PCBP1: variants seen among roughly 807,000 people sequenced by gnomAD.
PCBP1 encodes poly(rC)-binding protein 1.
For missense variants in PCBP1, 244 were observed against 474.4 expected (o/e 0.51, Z 4.51); for synonymous variants, 284 against 195.8 (o/e 1.45, Z -3.76).
rs1348055901 is a variant in PCBP1 at position 70,088,800 on chromosome 2, A to G, written c.1057A>G (p.Met353Val). ...TGCCAGGCTTTCCTCTGAGAAGGGC[A>G]TGGGGTGCAGCTAGAACAGTGTAGG... Reference protein sequence around the residue: ...INARLSSEKGMGCS With the variant: ...INARLSSEKGVGCS The change falls in exon 1 of 1, where the codon ATG becomes GTG. Residue 353 changes from methionine (M) to valine (V), a missense_variant. Met to Val is a conservative substitution (Grantham distance 21). Transcript: ENST00000303577. This position sits in a 1 kb window ranked among gnomAD's most constrained non-coding sequence, Gnocchi z 4.5. 7 of 1,612,460 alleles carry G rather than the reference A, an allele frequency of 4.3e-6. No individual in the cohort carries two copies. Among genetic ancestry groups the G allele is most frequent in the Non-Finnish European group, 5.9e-6 (7 of 1,179,204 alleles).
rs921671782 is a variant in PCBP1 at position 70,087,617 on chromosome 2, C to G, written c.-127C>G. 1 of 495,086 alleles carries G rather than the reference C, an allele frequency of 2.0e-6. No individual in the cohort carries two copies. Among genetic ancestry groups the G allele is most frequent in the African/African-American group, 2.0e-5 (1 of 49,718 alleles). 30.7% of individuals were successfully genotyped at this position (495,086 alleles called of 1,614,324 possible). On this transcript the variant is annotated 5_prime_UTR_variant, in exon 1 of 1. Transcript: ENST00000303577. Reference sequence around the variant, plus strand: ...CTGCGGCCTCCCGCCCGCTCCCGCTCGCTCCCGCGGCCCTCGCTCGCCTCG... The same window carrying G: ...CTGCGGCCTCCCGCCCGCTCCCGCTGGCTCCCGCGGCCCTCGCTCGCCTCG...
chr2:70,088,205 T>C lies in PCBP1; in HGVS notation c.462T>C (p.Ser154=), dbSNP rs747254972. ...RAITIAGVPQ[S]VTECVKQICL... Reference sequence around the variant, plus strand: ...TCACCATCGCTGGCGTGCCGCAGTCTGTCACCGAGTGTGTCAAGCAGATTT... The same window carrying C: ...TCACCATCGCTGGCGTGCCGCAGTCCGTCACCGAGTGTGTCAAGCAGATTT... Residue 154 remains serine (S), a synonymous_variant, in exon 1 of 1, where the codon TCT becomes TCC. Coordinates refer to ENST00000303577, the MANE Select transcript of PCBP1 (RefSeq NM_006196.4). This position sits in a 1 kb window ranked among gnomAD's most constrained non-coding sequence, Gnocchi z 4.5. 26 of 1,613,934 alleles carry C rather than the reference T, an allele frequency of 1.6e-5. No homozygotes were observed. The highest frequency in any genetic ancestry group is 2.1e-5 in the Non-Finnish European group (25 of 1,180,018).
rs1295191419 is a variant in PCBP1, at chr2:70,087,490, T to C, written c.-254T>C. 6.7e-6 allele frequency: 1 copy of C among 149,208 alleles called. No homozygotes were observed. The highest frequency in any genetic ancestry group is 2.0e-4 in the East Asian group (1 of 5,068). 9.2% of individuals were successfully genotyped at this position (149,208 alleles called of 1,614,324 possible). A position where few individuals can be genotyped will look rare whatever the true frequency, so the allele number is the denominator to read the frequency against. ...CCCGCCCCGCCCAGACCGCCGAGGCTGCCGCCGGAGTCGCCACCGCCGCGC... is the reference window on the plus strand; with the variant it reads ...CCCGCCCCGCCCAGACCGCCGAGGCCGCCGCCGGAGTCGCCACCGCCGCGC... On this transcript the variant is annotated 5_prime_UTR_variant, in exon 1 of 1. Transcript: ENST00000303577.
chr2:70,087,560 C>T lies in PCBP1; in HGVS notation c.-184C>T, dbSNP rs1024886048. On this transcript the variant is annotated 5_prime_UTR_variant, in exon 1 of 1. Transcript: ENST00000303577. The stretch of plus-strand genomic sequence containing the variant: ...CGCCGCTCCCGGCCCCGCTCGCCCC[C>T]TCCGCCGCCGCCGCCCGCCCCTGCG... 4.7e-5 allele frequency: 8 copies of T among 168,882 alleles called. No homozygotes were observed. Among genetic ancestry groups the T allele is most frequent in the Non-Finnish European group, 7.4e-5 (6 of 80,582 alleles). The allele number at this position is 168,882 out of a possible 1,614,324, so 10.5% of individuals were successfully genotyped here.
Position 70,087,687 on chromosome 2 carries a change from C to G in PCBP1, c.-57C>G. ...ACACCTCCCCTCCCCCCGCCAGCCG[C>G]CAAAGACTTGACCACGTAACGAGCC... is the stretch of plus-strand genomic sequence containing the variant. On this transcript the variant is annotated 5_prime_UTR_variant, in exon 1 of 1. Transcript: ENST00000303577. The G allele has an allele frequency of 1.6e-6, 2 of 1,242,280 alleles. No individual in the cohort carries two copies. Among genetic ancestry groups the G allele is most frequent in the Non-Finnish European group, 2.3e-6 (2 of 887,802 alleles). 77.0% of individuals were successfully genotyped at this position (1,242,280 alleles called of 1,614,324 possible).
Position 70,088,817 on chromosome 2 carries a change from C to T in PCBP1, c.*3C>T. 1.9e-6 allele frequency: 3 copies of T among 1,604,334 alleles called. No homozygotes were observed. Among genetic ancestry groups the T allele is most frequent in the East Asian group, 2.2e-5 (1 of 44,766 alleles). ...AGAAGGGCATGGGGTGCAGCTAGAACAGTGTAGGTTCCCTCAATAACCCCT... is the reference window on the plus strand; with the variant it reads ...AGAAGGGCATGGGGTGCAGCTAGAATAGTGTAGGTTCCCTCAATAACCCCT... On this transcript the variant is annotated 3_prime_UTR_variant, in exon 1 of 1. Transcript: ENST00000303577. This position sits in a 1 kb window ranked among gnomAD's most constrained non-coding sequence, Gnocchi z 4.5.
At position 70,089,165 on chromosome 2, in the gene PCBP1, T is replaced by C. The variant is rs762281126; in HGVS notation, c.*351T>C. On this transcript the variant is annotated 3_prime_UTR_variant, in exon 1 of 1. Transcript: ENST00000303577. ...ATTAAAAAACGGATTGGTTAAAAAA[T>C]GCTTCATATTTGAAAAAGCTGGGAA... 1.4e-5 allele frequency: 3 copies of C among 220,806 alleles called. No individual in the cohort carries two copies. Among genetic ancestry groups the C allele is most frequent in the Non-Finnish European group, 1.9e-5 (2 of 103,498 alleles). 13.7% of individuals were successfully genotyped at this position (220,806 alleles called of 1,614,324 possible). A position where few individuals can be genotyped will look rare whatever the true frequency, so the allele number is the denominator to read the frequency against.
Position 70,088,451 on chromosome 2 carries a change from C to A in PCBP1, c.708C>A (p.Ala236=). Residue 236 remains alanine, a synonymous_variant, in exon 1 of 1, where the codon GCC becomes GCA. Transcript: ENST00000303577. This position sits in a 1 kb window ranked among gnomAD's most constrained non-coding sequence, Gnocchi z 4.5. ...GQHTISPLDL[A]KLNQVARQQS... is the part of the protein sequence containing the mutation. Reference sequence around the variant, plus strand: ...ACACCATTTCTCCGCTCGATCTGGCCAAGCTGAACCAGGTGGCAAGACAAC... The same window carrying A: ...ACACCATTTCTCCGCTCGATCTGGCAAAGCTGAACCAGGTGGCAAGACAAC... 6.2e-7 allele frequency: 1 copy of A among 1,614,220 alleles called. No homozygotes were observed. Among genetic ancestry groups the A allele is most frequent in the Non-Finnish European group, 8.5e-7 (1 of 1,180,038 alleles).
Position 70,088,124 on chromosome 2 carries a change from G to C in PCBP1, c.381G>C (p.Thr127=). The C allele has an allele frequency of 1.9e-6, 3 of 1,613,936 alleles. No individual in the cohort carries two copies. The highest frequency in any genetic ancestry group is 2.2e-5 in the East Asian group (1 of 44,868). ...GCKIKEIRES[T]GAQVQVAGDM... Reference sequence around the variant, plus strand: ...AGATCAAAGAGATCCGCGAGAGTACGGGGGCGCAGGTCCAGGTGGCGGGGG... The same window carrying C: ...AGATCAAAGAGATCCGCGAGAGTACCGGGGCGCAGGTCCAGGTGGCGGGGG... Residue 127 remains threonine, a synonymous_variant, in exon 1 of 1, where the codon ACG becomes ACC. Coordinates refer to ENST00000303577, the MANE Select transcript of PCBP1 (RefSeq NM_006196.4). This position sits in a 1 kb window ranked among gnomAD's most constrained non-coding sequence, Gnocchi z 4.5.
chr2:70,088,242 C>T lies in PCBP1; in HGVS notation c.499C>T (p.Leu167=), dbSNP rs771617548. Residue 167 remains leucine, a synonymous_variant, in exon 1 of 1, where the codon CTG becomes TTG. Coordinates refer to ENST00000303577, the MANE Select transcript of PCBP1 (RefSeq NM_006196.4). The surrounding 1 kb of genome is among the most constrained non-coding windows in gnomAD (Gnocchi z 4.5). ...TGTCAAGCAGATTTGCCTGGTCATG[C>T]TGGAGACGCTCTCCCAGTCTCCGCA... ...ECVKQICLVM[L]ETLSQSPQGR... is the part of the protein sequence containing the mutation. 2 of 1,613,832 alleles carry T rather than the reference C, an allele frequency of 1.2e-6. No individual in the cohort carries two copies. Among genetic ancestry groups the T allele is most frequent in the Non-Finnish European group, 8.5e-7 (1 of 1,179,966 alleles).
chr2:70,087,974 C>T lies in PCBP1; in HGVS notation c.231C>T (p.Asp77=), dbSNP rs776349182. 5.0e-6 allele frequency: 8 copies of T among 1,613,918 alleles called. No homozygotes were observed. In the South Asian group the frequency reaches 7.7e-5, roughly 16 times the overall value. The change falls in exon 1 of 1, where the codon GAC becomes GAT. Residue 77 remains aspartate (D), a synonymous_variant. Coordinates refer to ENST00000303577, the MANE Select transcript of PCBP1 (RefSeq NM_006196.4). The stretch of plus-strand genomic sequence containing the variant: ...TTAAGGCTTTCGCTATGATCATCGA[C>T]AAGCTGGAGGAAGATATCAACAGCT... The part of the protein sequence containing the change: ...AIFKAFAMII[D]KLEEDINSSM...
chr2:70,087,716 C>T lies in PCBP1; in HGVS notation c.-28C>T, dbSNP rs566877203. 10 of 1,461,222 alleles carry T rather than the reference C, an allele frequency of 6.8e-6. No individual in the cohort carries two copies. The African/African-American group carries it at 1.1e-4, about 16-fold the overall frequency. The allele number at this position is 1,461,222 out of a possible 1,614,324, so 90.5% of individuals were successfully genotyped here. ...AGACTTGACCACGTAACGAGCCCAA[C>T]TCCCCCGAACGCCGCCCGCCGCTCG... On this transcript the variant is annotated 5_prime_UTR_variant, in exon 1 of 1. Coordinates refer to ENST00000303577, the MANE Select transcript of PCBP1 (RefSeq NM_006196.4).
Position 70,088,148 on chromosome 2 carries a change from G to A in PCBP1, c.405G>A (p.Gly135=), listed in dbSNP as rs1191807725. Residue 135 remains glycine (G), a synonymous_variant, in exon 1 of 1, where the codon GGG becomes GGA. Transcript: ENST00000303577. This position sits in a 1 kb window ranked among gnomAD's most constrained non-coding sequence, Gnocchi z 4.5. ...ESTGAQVQVA[G]DMLPNSTERA... is the part of the protein sequence containing the mutation. ...CGGGGGCGCAGGTCCAGGTGGCGGG[G>A]GATATGCTGCCCAACTCCACCGAGC... is the stretch of plus-strand genomic sequence containing the variant. 5 of 1,613,896 alleles carry A rather than the reference G, an allele frequency of 3.1e-6. No homozygotes were observed. Among genetic ancestry groups the A allele is most frequent in the East Asian group, 4.5e-5 (2 of 44,858 alleles).
chr2:70,087,678 C>CA lies in PCBP1; in HGVS notation c.-66_-65insA. 1 of 1,148,244 alleles carries CA rather than the reference C, an allele frequency of 8.7e-7. No individual in the cohort carries two copies. The highest frequency in any genetic ancestry group is 1.2e-6 in the Non-Finnish European group (1 of 805,570). The allele number at this position is 1,148,244 out of a possible 1,614,324, so 71.1% of individuals were successfully genotyped here. On this transcript the variant is annotated 5_prime_UTR_variant, in exon 1 of 1. Transcript: ENST00000303577. ...TTTGGGCCTACACCTCCCCTCCCCC[C>CA]GCCAGCCGCCAAAGACTTGACCACG...
rs1256835290 is a variant in PCBP1, at chr2:70,087,606, C to CCGCTCCCGCT, written c.-128_-119dup. The CCGCTCCCGCT allele has an allele frequency of 3.8e-4, 164 of 431,708 alleles. No individual in the cohort carries two copies. The highest frequency in any genetic ancestry group is 1.5e-3 in the Admixed American group (35 of 22,974). 26.7% of individuals were successfully genotyped at this position (431,708 alleles called of 1,614,324 possible). On this transcript the variant is annotated 5_prime_UTR_variant, in exon 1 of 1. Transcript: ENST00000303577. ...CTGCGACTACGCTGCGGCCTCCCGC[C>CCGCTCCCGCT]CGCTCCCGCTCGCTCCCGCGGCCCT...
chr2:70,087,702 C>T lies in PCBP1; in HGVS notation c.-42C>T. On this transcript the variant is annotated 5_prime_UTR_variant, in exon 1 of 1. In the 5' UTR this introduces an upstream ATG that the reference lacks. Coordinates refer to ENST00000303577, the MANE Select transcript of PCBP1 (RefSeq NM_006196.4). ...CCGCCAGCCGCCAAAGACTTGACCA[C>T]GTAACGAGCCCAACTCCCCCGAACG... is the stretch of plus-strand genomic sequence containing the variant. 7.4e-7 allele frequency: 1 copy of T among 1,347,578 alleles called. No individual in the cohort carries two copies. The highest frequency in any genetic ancestry group is 1.0e-6 in the Non-Finnish European group (1 of 976,814). The allele number at this position is 1,347,578 out of a possible 1,614,324, so 83.5% of individuals were successfully genotyped here. A position where few individuals can be genotyped will look rare whatever the true frequency, so the allele number is the denominator to read the frequency against.
At position 70,087,839 on chromosome 2, in the gene PCBP1, A is replaced by G. The variant is rs1447678782; in HGVS notation, c.96A>G (p.Lys32=). 3 of 1,611,214 alleles carry G rather than the reference A, an allele frequency of 1.9e-6. No homozygotes were observed. The highest frequency in any genetic ancestry group is 1.3e-5 in the African/African-American group (1 of 74,816). The part of the protein sequence containing the change: ...GKEVGSIIGK[K]GESVKRIREE... ...AAGTAGGAAGCATCATTGGGAAGAA[A>G]GGGGAGTCGGTTAAGAGGATCCGCG... The change falls in exon 1 of 1, where the codon AAA becomes AAG. Residue 32 remains lysine (K), a synonymous_variant. Transcript: ENST00000303577.
At position 70,088,176 on chromosome 2, in the gene PCBP1, G is replaced by T; in HGVS notation, c.433G>T (p.Ala145Ser). ...GDMLPNSTERAITIAGVPQSV... is the reference protein window; with the variant it reads ...GDMLPNSTERSITIAGVPQSV... ...TATGCTGCCCAACTCCACCGAGCGG[G>T]CCATCACCATCGCTGGCGTGCCGCA... The change falls in exon 1 of 1, where the codon GCC (alanine) becomes TCC (serine). Residue 145 changes from alanine to serine, a missense_variant. Ala to Ser is a moderately conservative substitution (Grantham distance 99). Coordinates refer to ENST00000303577, the MANE Select transcript of PCBP1 (RefSeq NM_006196.4). The surrounding 1 kb of genome is among the most constrained non-coding windows in gnomAD (Gnocchi z 4.5). The T allele has an allele frequency of 6.2e-7, 1 of 1,614,014 alleles. No individual in the cohort carries two copies. The highest frequency in any genetic ancestry group is 8.5e-7 in the Non-Finnish European group (1 of 1,180,038).
rs201447568 is a variant in PCBP1 at position 70,087,929 on chromosome 2, C to T, written c.186C>T (p.Thr62=). Residue 62 remains threonine, a synonymous_variant, in exon 1 of 1, where the codon ACC becomes ACT. Coordinates refer to ENST00000303577, the MANE Select transcript of PCBP1 (RefSeq NM_006196.4). The part of the protein sequence containing the change: ...GNCPERIITL[T]GPTNAIFKAF... Reference sequence around the variant, plus strand: ...GTCCGGAGAGAATCATCACTCTGACCGGCCCCACCAATGCCATCTTTAAGG... The same window carrying T: ...GTCCGGAGAGAATCATCACTCTGACTGGCCCCACCAATGCCATCTTTAAGG... 86 of 1,611,480 alleles carry T rather than the reference C, an allele frequency of 5.3e-5. No individual in the cohort carries two copies. Among genetic ancestry groups the T allele is most frequent in the Middle Eastern group, 3.3e-4 (2 of 6,076 alleles).
Sources: allele counts gnomAD v4.1 joint callset, GRCh38; gene constraint gnomAD v4.1.1; non-coding constraint Gnocchi (gnomAD v3.1); transcripts MANE v1.5; gene names NCBI Gene and HGNC (gene_info 2026-07-23, HGNC 2026-07-21).